The following NEDD4 variants were observed in gnomAD, a reference collection of about 807,000 sequenced individuals.
NEDD4 encodes E3 ubiquitin-protein ligase NEDD4.
NEDD4 carries 99 observed loss-of-function variants against 144.9 expected under a neutral mutation model. The ratio of observed to expected loss-of-function variants is 0.68; its 90% CI spans 0.58 to 0.81. The LOEUF (loss-of-function observed/expected upper bound fraction) is 0.81, where lower values mean the gene tolerates loss of function less well. Ranked by LOEUF, NEDD4 falls within the 30% of genes least tolerant of loss-of-function variation. The pLI is 0.00. For missense variants in NEDD4, 985 were observed against 1,065.9 expected, an observed-to-expected ratio of 0.92 and a Z score of 1.06; for synonymous variants, 318 against 350.6, an observed-to-expected ratio of 0.91 and a Z score of 1.04.
intron 2 of NEDD4, among the ~76,000 whole-genome samples, chr15:55,953,605 C>G (rs62045207): frequency 0.082 from 12,473 of 152,042 alleles, 638 homozygotes; most frequent in Middle Eastern, 0.16. Context: ...CCGCACCCAG[C>G]TAATTTTTGT....
intron 5 of NEDD4, chr15:55,916,801 C>T (rs1250155243): frequency 6.2e-7 from 1 of 1,608,184 alleles, no homozygotes; most frequent in Non-Finnish European, 8.5e-7. Flanking sequence ...CTTCTTCTGG[C>T]TGCAAAGTGC....
chr15:55,980,355 C>A (rs2037777869), intron 1 of NEDD4, among the ~76,000 whole-genome samples: 1 of 152,156 alleles, frequency 6.6e-6, no homozygotes, highest in Non-Finnish European at 1.5e-5. Flanking sequence ...GAAGCCTCAT[C>A]CCCCAACTTG....
At chr15:55,868,806 G>GT (rs1296674486) in intron 8 of NEDD4, among the ~76,000 whole-genome samples, 1 of 152,094 alleles carries the variant, frequency 6.6e-6, no homozygotes, top group East Asian at 1.9e-4. Context: ...ACGAGCAGGT[G>GT]TTTTTTTGAC....
At chr15:55,951,783 C>T (rs1182144531) in intron 2 of NEDD4, among the ~76,000 whole-genome samples, 194 bp from the exon 3 acceptor site, 1 of 151,830 alleles carries the variant, frequency 6.6e-6, no homozygotes, top group Non-Finnish European at 1.5e-5. Flanking sequence ...ACCTGAAGTA[C>T]CATGTTAGTG....
At chr15:55,874,905 C>T (rs572711937) in intron 5 of NEDD4, among the ~76,000 whole-genome samples, 1 of 151,884 alleles carries the variant, frequency 6.6e-6, no homozygotes, top group Non-Finnish European at 1.5e-5. Flanking sequence ...ATCCAGGAGG[C>T]AGACGTTGCA....
At chr15:55,830,047 G>C (rs1238499978) in intron 28 of NEDD4, 48 bp from the exon 29 acceptor site, 2 of 1,308,264 alleles carry the variant, frequency 1.5e-6, no homozygotes, top group East Asian at 4.6e-5. Flanking sequence ...GACAAAGCAA[G>C]TACCACCACA....
intron 5 of NEDD4, among the ~76,000 whole-genome samples, chr15:55,920,854 T>C (rs1407815643): frequency 6.7e-6 from 1 of 150,290 alleles, no homozygotes; most frequent in Non-Finnish European, 1.5e-5. Context: ...CTCCCTTACC[T>C]GCTAAGACTA....
intron 4 of NEDD4, among the ~76,000 whole-genome samples, chr15:55,932,820 C>G (rs2036808848): frequency 6.6e-6 from 1 of 151,498 alleles, no homozygotes; most frequent in Non-Finnish European, 1.5e-5. Context: ...AACAAATTTA[C>G]AAGAAAAAAA....
intron 5 of NEDD4, among the ~76,000 whole-genome samples, chr15:55,890,097 A>G (rs2035518714): frequency 6.6e-6 from 1 of 152,190 alleles, no homozygotes; most frequent in Admixed American, 6.5e-5. Flanking sequence ...ATTTACTCTG[A>G]TGCAATTATT....
chr15:55,964,020 T>A (rs1288167315), intron 2 of NEDD4, among the ~76,000 whole-genome samples: 3 of 152,192 alleles, frequency 2.0e-5, no homozygotes, highest in Non-Finnish European at 4.4e-5. Flanking sequence ...CATATTTTTC[T>A]CTTTTTGTCA....
At chr15:55,894,084 A>T (rs1028805288) in intron 5 of NEDD4, among the ~76,000 whole-genome samples, 9 of 152,078 alleles carry the variant, frequency 5.9e-5, no homozygotes, top group African/African-American at 2.2e-4. Flanking sequence ...TGGAAACTGG[A>T]TATCTTTGCA....
intron 18 of NEDD4, among the ~76,000 whole-genome samples, chr15:55,843,729 G>C (rs1254554954): frequency 1.3e-5 from 2 of 152,062 alleles, no homozygotes; most frequent in Non-Finnish European, 2.9e-5. Flanking sequence ...CATGATATGA[G>C]CAGTTTCCTA....
intron 1 of NEDD4, among the ~76,000 whole-genome samples, chr15:55,974,190 A>T (rs1224170051): frequency 6.6e-6 from 1 of 152,172 alleles, no homozygotes; most frequent in Non-Finnish European, 1.5e-5. Context: ...AAATTCCTAT[A>T]CACATACAAC....
At chr15:55,932,034 T>C (rs145886076) in intron 4 of NEDD4, among the ~76,000 whole-genome samples, 278 of 152,320 alleles carry the variant, frequency 1.8e-3, no homozygotes, top group Non-Finnish European at 3.5e-3. Flanking sequence ...GCTTCTGATA[T>C]GGTTTGACTG....
intron 2 of NEDD4, among the ~76,000 whole-genome samples, chr15:55,958,615 G>A (rs557646381): frequency 6.6e-6 from 1 of 152,078 alleles, no homozygotes; most frequent in Non-Finnish European, 1.5e-5. Context: ...TGGGCCTGGA[G>A]TTTTCTTTGT....
rs1224790526 is a variant in NEDD4 at position 55,850,543 on chromosome 15, C to G, written c.1346G>C (p.Trp449Ser). Residue 449 changes from tryptophan (W) to serine (S), a missense_variant and splice_region_variant, in exon 14 of 29, where the codon TGG becomes TCG. Physicochemically the swap from Trp to Ser is radical, Grantham distance 177 (BLOSUM62 -3). Transcript: ENST00000435532. ...FIDHNTKTTT[W>S]EDPRLKIPAH... The stretch of plus-strand genomic sequence containing the variant: ...TAAATGGAAAAGTATCAAAGTTACC[C>G]AGGTGGTGGTTTTAGTGTTGTGGTC... 1 of 1,613,618 alleles carries G rather than the reference C, an allele frequency of 6.2e-7. No homozygotes were observed. Among genetic ancestry groups the G allele is most frequent in the African/African-American group, 1.3e-5 (1 of 74,878 alleles).
intron 2 of NEDD4, among the ~76,000 whole-genome samples, chr15:55,963,057 T>C (rs2037450831): frequency 6.6e-6 from 1 of 152,098 alleles, no homozygotes; most frequent in South Asian, 2.1e-4. Context: ...AGTGCTAGGA[T>C]TACAGGCGTG....
At position 55,830,075 on chromosome 15, in the gene NEDD4, G is replaced by A. The variant is rs138512133; in HGVS notation, c.2601-76C>T. ...CCACCACAGCAAACAGAGCAATGCT[G>A]CTATTCTTGATGAGAATGTTCCAAC... On this transcript the variant is annotated intron_variant, in intron 28 of 28. Transcript: ENST00000435532. The A allele has an allele frequency of 4.9e-5, 49 of 992,714 alleles. 2 individuals carry two copies. Among genetic ancestry groups the A allele is most frequent in the African/African-American group, 3.9e-4 (24 of 62,122 alleles). The allele number at this position is 992,714 out of a possible 1,614,324, so 61.5% of individuals were successfully genotyped here. A position where few individuals can be genotyped will look rare whatever the true frequency, so the allele number is the denominator to read the frequency against.
At chr15:55,834,384 C>T in intron 24 of NEDD4, 98 bp from the exon 25 acceptor site, 2 of 706,048 alleles carry the variant, frequency 2.8e-6, no homozygotes, top group South Asian at 1.8e-5. Context: ...CACATCCACA[C>T]AAGTTTCTAC....
Sources: allele counts gnomAD v4.1 joint callset (sites outside exome capture counted in the v4.1 genomes callset), GRCh38; gene constraint gnomAD v4.1.1; transcripts MANE v1.5; gene names NCBI Gene and HGNC (gene_info 2026-07-23, HGNC 2026-07-21).